CLYBL: variants seen among roughly 807,000 people sequenced by gnomAD.
CLYBL encodes the protein citramalyl-CoA lyase.
CLYBL carries 31 observed loss-of-function variants against 38.9 expected under a neutral mutation model. That is an observed-to-expected ratio of 0.80 (90% CI 0.60 to 1.08). The LOEUF is 1.08. Ranked by LOEUF, CLYBL falls within the 50% of genes least tolerant of loss-of-function variation. The pLI, the probability that CLYBL is intolerant of heterozygous loss-of-function variation, is 0.00. For synonymous variants in CLYBL, 171 were observed against 158.6 expected (o/e 1.08, Z -0.59); for missense variants, 434 against 411.6 (o/e 1.05, Z -0.47).
In CLYBL at chr13:99,767,735, A is replaced by G. The variant is rs147162826; in HGVS notation, c.63-5089A>G. On this transcript the variant is annotated intron_variant, in intron 1 of 8. Coordinates refer to ENST00000339105, the MANE Select transcript of CLYBL (RefSeq NM_206808.5). ...TTCTGCCTGCCAAATCTGCCTTTGA[A>G]TCCCTCTAGTGAATTTTTCATTTCA... Among the ~76,000 whole-genome samples, 37 of 152,216 alleles carry G rather than the reference A, an allele frequency of 2.4e-4. No homozygotes were observed. The East Asian group carries it at 6.2e-3, about 25-fold the overall frequency.
At chr13:99,881,508 G>T (rs1187701386) in intron 7 of CLYBL, among the ~76,000 whole-genome samples, 3 of 151,822 alleles carry the variant, frequency 2.0e-5, no homozygotes, top group African/African-American at 7.3e-5. Context: ...CTTCAGCCTC[G>T]ACCTCCTGGG....
chr13:99,625,909 T>C (rs1031809303), intron 1 of CLYBL, among the ~76,000 whole-genome samples: 2 of 152,178 alleles, frequency 1.3e-5, no homozygotes, highest in African/African-American at 4.8e-5. Context: ...CAGAAGGTGC[T>C]TTGGCGCATC....
intron 1 of CLYBL, among the ~76,000 whole-genome samples, chr13:99,728,313 CTT>C (rs1418316387): frequency 7.0e-6 from 1 of 142,510 alleles, no homozygotes; most frequent in Non-Finnish European, 1.5e-5. Context: ...GAGTCTCACT[CTT>C]TTGCCCAGGC....
intron 1 of CLYBL, among the ~76,000 whole-genome samples, chr13:99,618,566 G>T (rs1003714419): frequency 1.3e-5 from 2 of 152,106 alleles, no homozygotes; most frequent in Non-Finnish European, 2.9e-5. Flanking sequence ...CACCATGGCC[G>T]GCCCATTTTA....
chr13:99,866,588 C>T (rs2051750948), intron 6 of CLYBL, among the ~76,000 whole-genome samples, 181 bp downstream of exon 6: 3 of 152,016 alleles, frequency 2.0e-5, no homozygotes, highest in Admixed American at 2.0e-4. Context: ...TTTTCCTTGG[C>T]CCTGCAAGTC....
rs553064190 is a variant in CLYBL, at chr13:99,885,675, A to G, written c.928-5643A>G. On this transcript the variant is annotated intron_variant, in intron 7 of 8. Coordinates refer to ENST00000339105, the MANE Select transcript of CLYBL (RefSeq NM_206808.5). Reference sequence around the variant, plus strand: ...CTGAGCTGAGGGTGCCTGGCACCCAAACGGACATCCTTAAAATGAATGTCA... The same window carrying G: ...CTGAGCTGAGGGTGCCTGGCACCCAGACGGACATCCTTAAAATGAATGTCA... 2.6e-3 allele frequency among the ~76,000 whole-genome samples: 394 copies of G among 152,288 alleles called. 3 individuals are homozygous for G. Among genetic ancestry groups the G allele is most frequent in the African/African-American group, 8.8e-3 (367 of 41,558 alleles).
intron 2 of CLYBL, among the ~76,000 whole-genome samples, chr13:99,833,030 A>ATATATATATATATATTTTT (rs1555314878): frequency 2.8e-5 from 1 of 35,870 alleles, no homozygotes; most frequent in African/African-American, 1.4e-4. Flanking sequence ...ATATATATAT[A>ATATATATATATATATTTTT]TTTTTTTTTT....
intron 1 of CLYBL, among the ~76,000 whole-genome samples, chr13:99,609,117 T>G (rs1329266009): frequency 6.6e-6 from 1 of 151,236 alleles, no homozygotes; most frequent in Admixed American, 6.6e-5. Flanking sequence ...TTTGAGACTG[T>G]TCCATTTTCT....
chr13:99,673,882 C>T (rs998772000), intron 1 of CLYBL, among the ~76,000 whole-genome samples: 2 of 152,090 alleles, frequency 1.3e-5, no homozygotes, highest in Non-Finnish European at 2.9e-5. Flanking sequence ...TGAGATGTAC[C>T]TGGGATATGT....
chr13:99,883,380 G>A (rs551291514), intron 7 of CLYBL, among the ~76,000 whole-genome samples: 2 of 152,154 alleles, frequency 1.3e-5, no homozygotes, highest in South Asian at 4.2e-4. Flanking sequence ...TTAGCTGGGT[G>A]TGGTGGCGAG....
At chr13:99,676,028 G>A (rs188907391) in intron 1 of CLYBL, among the ~76,000 whole-genome samples, 81 of 152,158 alleles carry the variant, frequency 5.3e-4, no homozygotes, top group East Asian at 7.7e-4. Flanking sequence ...CTAATTTTTT[G>A]TATTTTTAGT....
chr13:99,615,506 G>A (rs78526248), intron 1 of CLYBL, among the ~76,000 whole-genome samples: 236 of 152,190 alleles, frequency 1.6e-3, no homozygotes, highest in Non-Finnish European at 2.3e-3. Flanking sequence ...GTGTTCTGCC[G>A]TTACACAATT....
rs569547835 is a variant in CLYBL, at chr13:99,786,935, A to G, written c.249+13925A>G. On this transcript the variant is annotated intron_variant, in intron 2 of 8. Transcript: ENST00000339105. Reference sequence around the variant, plus strand: ...GAGATGGTATCTCATTGTGGTTTTGATTTGCATTTCTCTGATGGCCAGTGA... The same window carrying G: ...GAGATGGTATCTCATTGTGGTTTTGGTTTGCATTTCTCTGATGGCCAGTGA... 6.6e-5 allele frequency among the ~76,000 whole-genome samples: 10 copies of G among 151,870 alleles called. No individual in the cohort carries two copies. In the East Asian group the frequency reaches 1.9e-3, roughly 29 times the overall value.
intron 1 of CLYBL, among the ~76,000 whole-genome samples, chr13:99,707,507 C>T (rs2048164435): frequency 6.6e-6 from 1 of 152,122 alleles, no homozygotes; most frequent in Non-Finnish European, 1.5e-5. Context: ...CTCCTGACCT[C>T]GTGATCTGCC....
intron 1 of CLYBL, among the ~76,000 whole-genome samples, chr13:99,749,112 G>A (rs2139629038): frequency 6.6e-6 from 1 of 151,970 alleles, no homozygotes; most frequent in Non-Finnish European, 1.5e-5. Context: ...CCCTGGAAGT[G>A]GAGGTTGCAC....
chr13:99,701,603 G>T (rs559551328), intron 1 of CLYBL, among the ~76,000 whole-genome samples: 10 of 152,050 alleles, frequency 6.6e-5, no homozygotes, highest in African/African-American at 1.9e-4. Flanking sequence ...GAGCCACCGC[G>T]CCCGGCCTGA....
At chr13:99,718,988 A>C (rs1306033279) in intron 1 of CLYBL, among the ~76,000 whole-genome samples, 1 of 151,860 alleles carries the variant, frequency 6.6e-6, no homozygotes. Flanking sequence ...GATTACAGGC[A>C]TGCACCACCA....
chr13:99,853,543 G>A (rs528401688), intron 2 of CLYBL, among the ~76,000 whole-genome samples: 1 of 152,120 alleles, frequency 6.6e-6, no homozygotes, highest in South Asian at 2.1e-4. Flanking sequence ...GGCAAACTAA[G>A]TTTTCTTTTT....
chr13:99,827,695 C>T (rs551979308), intron 2 of CLYBL, among the ~76,000 whole-genome samples: 19 of 152,324 alleles, frequency 1.2e-4, no homozygotes, highest in African/African-American at 4.3e-4. Context: ...TTCTGCATGC[C>T]GTGCAAAGCT....
Sources: allele counts gnomAD v4.1 joint callset (sites outside exome capture counted in the v4.1 genomes callset), GRCh38; gene constraint gnomAD v4.1.1; transcripts MANE v1.5; gene names NCBI Gene and HGNC (gene_info 2026-07-23, HGNC 2026-07-21).